The following SERTM1 variants were observed in gnomAD, a reference collection of about 807,000 sequenced individuals.
The protein encoded by SERTM1 is serine-rich and transmembrane domain-containing protein 1.
A neutral mutation model predicts 5.5 loss-of-function variants in SERTM1; 1 was observed. The ratio of observed to expected loss-of-function variants is 0.18; its 90% CI spans 0.06 to 0.86. SERTM1 has a LOEUF of 0.86. Ranked by LOEUF, SERTM1 falls within the 40% of genes least tolerant of loss-of-function variation. The pLI, the probability that SERTM1 is intolerant of heterozygous loss-of-function variation, is 0.69. For synonymous variants in SERTM1, 52 were observed against 55.1 expected (o/e 0.94, Z 0.25); for missense variants, 91 against 122.4 (o/e 0.74, Z 1.21).
intron 1 of SERTM1, among the ~76,000 whole-genome samples, chr13:36,691,912 A>G (rs1045721012): frequency 6.6e-6 from 1 of 152,220 alleles, no homozygotes; most frequent in African/African-American, 2.4e-5. Flanking sequence ...GCTACTGTTA[A>G]ATAAAACCAA....
intron 1 of SERTM1, among the ~76,000 whole-genome samples, chr13:36,687,373 T>A (rs1270638917): frequency 6.6e-6 from 1 of 152,170 alleles, no homozygotes; most frequent in Admixed American, 6.5e-5. Flanking sequence ...TCAATAGAGA[T>A]AGATATAAAT....
At chr13:36,678,476 A>G (rs1448973296) in intron 1 of SERTM1, among the ~76,000 whole-genome samples, 1 of 151,168 alleles carries the variant, frequency 6.6e-6, no homozygotes, top group Non-Finnish European at 1.5e-5. Context: ...GTCCTTTTTC[A>G]CAGGGAGGGG....
intron 1 of SERTM1, among the ~76,000 whole-genome samples, chr13:36,685,764 C>G (rs917570111): frequency 6.6e-6 from 1 of 152,112 alleles, no homozygotes; most frequent in East Asian, 1.9e-4. Context: ...GGAGTGTGAG[C>G]CTTTTTATCT....
chr13:36,677,498 C>G (rs1057199152), intron 1 of SERTM1, among the ~76,000 whole-genome samples: 8 of 152,112 alleles, frequency 5.3e-5, no homozygotes, highest in African/African-American at 1.9e-4. Flanking sequence ...CTGGAAGGGT[C>G]TGGAAAATGT....
chr13:36,696,265 A>AACTCTTAGCT lies in SERTM1; in HGVS notation c.*863_*864insACTCTTAGCT, dbSNP rs1401184374. ...ATATTCATTTAGTTGTATTTTATAC[A>AACTCTTAGCT]GTAATAACTCTTAGCTGTCGTGTAA... On this transcript the variant is annotated 3_prime_UTR_variant, in exon 2 of 2. Coordinates refer to ENST00000315190, the MANE Select transcript of SERTM1 (RefSeq NM_203451.3). 46 of 167,034 alleles carry AACTCTTAGCT rather than the reference A, an allele frequency of 2.8e-4. No individual in the cohort carries two copies. The highest frequency in any genetic ancestry group is 9.9e-4 in the African/African-American group (41 of 41,600). The allele number at this position is 167,034 out of a possible 1,614,324, so 10.3% of individuals were successfully genotyped here.
At chr13:36,678,004 C>A (rs576926658) in intron 1 of SERTM1, among the ~76,000 whole-genome samples, 9 of 151,856 alleles carry the variant, frequency 5.9e-5, no homozygotes, top group African/African-American at 1.9e-4. Flanking sequence ...TAGAAATGAA[C>A]CATTTCAAAG....
At position 36,695,949 on chromosome 13, in the gene SERTM1, C is replaced by T. The variant is rs2056810843; in HGVS notation, c.*547C>T. On this transcript the variant is annotated 3_prime_UTR_variant, in exon 2 of 2. Coordinates refer to ENST00000315190, the MANE Select transcript of SERTM1 (RefSeq NM_203451.3). Reference sequence around the variant, plus strand: ...ATGCTAAATATTTTCTTTAACTTCACTTTAACAAGTAAAAATCACACTTAT... The same window carrying T: ...ATGCTAAATATTTTCTTTAACTTCATTTTAACAAGTAAAAATCACACTTAT... The T allele has an allele frequency of 6.0e-6, 1 of 167,176 alleles. No homozygotes were observed. Among genetic ancestry groups the T allele is most frequent in the Admixed American group, 6.5e-5 (1 of 15,290 alleles). The allele number at this position is 167,176 out of a possible 1,614,324, so 10.4% of individuals were successfully genotyped here. A position where few individuals can be genotyped will look rare whatever the true frequency, so the allele number is the denominator to read the frequency against.
At chr13:36,680,846 G>A (rs577205922) in intron 1 of SERTM1, among the ~76,000 whole-genome samples, 9 of 151,638 alleles carry the variant, frequency 5.9e-5, no homozygotes, top group Non-Finnish European at 1.2e-4. Flanking sequence ...TCCGCCTCCC[G>A]GTTCAAGCGA....
intron 1 of SERTM1, among the ~76,000 whole-genome samples, chr13:36,685,353 T>C (rs1003848834): frequency 1.3e-5 from 2 of 152,178 alleles, no homozygotes; most frequent in African/African-American, 2.4e-5. Flanking sequence ...TTTTCTCCCT[T>C]CCCAGGTGTC....
At position 36,695,464 on chromosome 13, in the gene SERTM1, G is replaced by A. The variant is rs975696712; in HGVS notation, c.*62G>A. The A allele has an allele frequency of 2.2e-4, 258 of 1,178,186 alleles. No homozygotes were observed. Among genetic ancestry groups the A allele is most frequent in the South Asian group, 3.1e-4 (22 of 71,742 alleles). 73.0% of individuals were successfully genotyped at this position (1,178,186 alleles called of 1,614,324 possible). A position where few individuals can be genotyped will look rare whatever the true frequency, so the allele number is the denominator to read the frequency against. On this transcript the variant is annotated 3_prime_UTR_variant, in exon 2 of 2. Coordinates refer to ENST00000315190, the MANE Select transcript of SERTM1 (RefSeq NM_203451.3). ...TGACATCCCCTTACGGAAGTGTCCC[G>A]TGAGGCATTGCCTCATGAAAGAAAT...
At chr13:36,694,587 C>T (rs997971724) in intron 1 of SERTM1, among the ~76,000 whole-genome samples, 6 of 152,202 alleles carry the variant, frequency 3.9e-5, no homozygotes, top group African/African-American at 1.4e-4. Flanking sequence ...TCTGTGTTCT[C>T]ATCTCAGAGT....
At position 36,697,593 on chromosome 13, in the gene SERTM1, A is replaced by T. The variant is rs1316107662; in HGVS notation, c.*2191A>T. ...AGATATAAAGAATTCTGACAGCAAA[A>T]CTACTTTAAAAATCAAATCAAATCA... On this transcript the variant is annotated 3_prime_UTR_variant, in exon 2 of 2. Transcript: ENST00000315190. 6.0e-6 allele frequency: 1 copy of T among 166,904 alleles called. No homozygotes were observed. The highest frequency in any genetic ancestry group is 2.4e-5 in the African/African-American group (1 of 41,396). The allele number at this position is 166,904 out of a possible 1,614,324, so 10.3% of individuals were successfully genotyped here.
intron 1 of SERTM1, among the ~76,000 whole-genome samples, chr13:36,685,212 G>T (rs1439329863): frequency 1.3e-5 from 2 of 152,206 alleles, no homozygotes; most frequent in South Asian, 2.1e-4. Context: ...TGAGTTCGCT[G>T]TGCCGCCTGT....
intron 1 of SERTM1, among the ~76,000 whole-genome samples, chr13:36,680,016 G>A (rs570682443): frequency 4.6e-5 from 7 of 152,192 alleles, no homozygotes; most frequent in African/African-American, 1.7e-4. Flanking sequence ...AATGAATTTT[G>A]TGTTTAGGCT....
chr13:36,687,962 C>CAA (rs1230193567), intron 1 of SERTM1, among the ~76,000 whole-genome samples: 4 of 145,424 alleles, frequency 2.8e-5, no homozygotes, highest in Admixed American at 1.4e-4. Context: ...GGATTAAAAA[C>CAA]AAAAAAAAAA....
rs1305035328 is a variant in SERTM1 at position 36,676,823 on chromosome 13, G to C, written c.-174+2639G>C. 3.3e-5 allele frequency among the ~76,000 whole-genome samples: 5 copies of C among 152,084 alleles called. No homozygotes were observed. In the East Asian group the frequency reaches 9.6e-4, roughly 29 times the overall value. On this transcript the variant is annotated intron_variant, in intron 1 of 1. Coordinates refer to ENST00000315190, the MANE Select transcript of SERTM1 (RefSeq NM_203451.3). ...AGAGCTAAAAATAATAATAATAAAG[G>C]CTTTAAATTAGTTAATGGAATAGGG...
At chr13:36,680,698 T>C (rs916629472) in intron 1 of SERTM1, among the ~76,000 whole-genome samples, 3 of 152,182 alleles carry the variant, frequency 2.0e-5, no homozygotes, top group African/African-American at 7.2e-5. Flanking sequence ...TTATTGCTGC[T>C]TGTGTGGTTT....
chr13:36,687,610 G>A (rs1020042537), intron 1 of SERTM1, among the ~76,000 whole-genome samples: 1 of 151,850 alleles, frequency 6.6e-6, no homozygotes, highest in Non-Finnish European at 1.5e-5. Context: ...TTGATACATT[G>A]GTTAGTTTAC....
At chr13:36,677,136 C>T (rs1028717064) in intron 1 of SERTM1, among the ~76,000 whole-genome samples, 3 of 152,102 alleles carry the variant, frequency 2.0e-5, no homozygotes, top group African/African-American at 4.8e-5. Context: ...TGCTCAGTCT[C>T]ATGACATAAA....
Sources: gnomAD v4.1 joint callset for allele counts (sites outside exome capture counted in the v4.1 genomes callset) on GRCh38, gnomAD v4.1.1 for gene constraint, MANE v1.5 for transcripts, NCBI Gene and HGNC (gene_info 2026-07-23, HGNC 2026-07-21) for gene names.